Variants in RIPOR2 observed in about 807,000 individuals in gnomAD.
RIPOR2 encodes the protein RHO family interacting cell polarization regulator 2, also known as rho family-interacting cell polarization regulator 2.
In RIPOR2, 39 loss-of-function variants were observed where a neutral mutation model predicts 114.5. The ratio of observed to expected loss-of-function variants is 0.34; its 90% CI spans 0.26 to 0.44. The LOEUF is 0.44. Ranked by LOEUF, RIPOR2 falls within the 20% of genes least tolerant of loss-of-function variation. The probability of loss-of-function intolerance (pLI) is 1.00; values close to 1 mark genes in which losing one functional copy is unlikely to be tolerated. For missense variants in RIPOR2, 1,007 were observed against 1,255.1 expected, an observed-to-expected ratio of 0.80 and a Z score of 2.99; for synonymous variants, 445 against 484.4, an observed-to-expected ratio of 0.92 and a Z score of 1.07.
rs1393724622 is a variant in RIPOR2 at position 24,828,257 on chromosome 6, C to T, written c.2545G>A (p.Glu849Lys). The change falls in exon 18 of 22, where the codon GAG becomes AAG. Residue 849 changes from glutamate to lysine, a missense_variant. Transcript: ENST00000643898. Reference sequence around the variant, plus strand: ...GACAGGCTGGAGGAAAGCAGAGGCTCAGCCCGGTCCAGAATTTGGGACACC... The same window carrying T: ...GACAGGCTGGAGGAAAGCAGAGGCTTAGCCCGGTCCAGAATTTGGGACACC... ...TLVSQILDRA[E>K]PLLSSSLSSE... is the part of the protein sequence containing the mutation. 1 of 1,550,746 alleles carries T rather than the reference C, an allele frequency of 6.4e-7. No individual in the cohort carries two copies. The highest frequency in any genetic ancestry group is 8.7e-7 in the Non-Finnish European group (1 of 1,146,396).
At chr6:24,838,141 C>A (rs1581539876) in intron 14 of RIPOR2, among the ~76,000 whole-genome samples, 6 of 152,180 alleles carry the variant, frequency 3.9e-5, no homozygotes. Flanking sequence ...CAATGTTTCA[C>A]CTTCATCTGT....
chr6:24,860,291 T>C (rs980552105), intron 8 of RIPOR2, among the ~76,000 whole-genome samples: 10 of 3,196 alleles, frequency 3.1e-3, no homozygotes, highest in African/African-American at 3.4e-3. Context: ...TGGGACATTC[T>C]GTACAATGGT....
intron 1 of RIPOR2, among the ~76,000 whole-genome samples, chr6:24,907,370 T>C (rs1469889625): frequency 6.6e-6 from 1 of 152,234 alleles, no homozygotes; most frequent in Non-Finnish European, 1.5e-5. Context: ...CTTTTCTTCA[T>C]AGTGTTCCCG....
intron 1 of RIPOR2, among the ~76,000 whole-genome samples, chr6:24,956,039 T>C (rs1160490676): frequency 1.3e-5 from 2 of 151,784 alleles, no homozygotes; most frequent in Non-Finnish European, 2.9e-5. Context: ...TTACAACTTT[T>C]CTCTGGTTTT....
At chr6:24,901,433 G>A (rs1164954252) in intron 1 of RIPOR2, among the ~76,000 whole-genome samples, 1 of 152,166 alleles carries the variant, frequency 6.6e-6, no homozygotes, top group Non-Finnish European at 1.5e-5. Context: ...AATACACATT[G>A]AGGATCTGGA....
intron 1 of RIPOR2, among the ~76,000 whole-genome samples, chr6:25,041,512 C>T (rs1368048984): frequency 6.6e-6 from 1 of 152,184 alleles, no homozygotes; most frequent in Non-Finnish European, 1.5e-5. Context: ...AACAAAAATT[C>T]CAATTCACAT....
At position 24,843,567 on chromosome 6, in the gene RIPOR2, G is replaced by C; in HGVS notation, c.1165-13C>G. 1 of 1,467,014 alleles carries C rather than the reference G, an allele frequency of 6.8e-7. No homozygotes were observed. Among genetic ancestry groups the C allele is most frequent in the Non-Finnish European group, 9.1e-7 (1 of 1,098,052 alleles). 90.9% of individuals were successfully genotyped at this position (1,467,014 alleles called of 1,614,324 possible). ...CAGGTAGATTTGACTATAGATAAAA[G>C]ATACCTCATTATTATTTTCAATACA... On this transcript the variant is annotated splice_polypyrimidine_tract_variant and intron_variant, in intron 12 of 21. Transcript: ENST00000643898.
chr6:25,013,243 T>A (rs1000978124), intron 1 of RIPOR2, among the ~76,000 whole-genome samples: 4 of 152,228 alleles, frequency 2.6e-5, no homozygotes, highest in Non-Finnish European at 4.4e-5. Flanking sequence ...ATTGGATAAT[T>A]CTCAGGATGT....
chr6:25,013,411 G>A (rs564455514), intron 1 of RIPOR2, among the ~76,000 whole-genome samples: 87 of 152,222 alleles, frequency 5.7e-4, no homozygotes, highest in African/African-American at 2.0e-3. Context: ...AGGCTATAGC[G>A]GGGTGTGGAC....
At chr6:24,965,502 G>A (rs1402567463) in intron 1 of RIPOR2, among the ~76,000 whole-genome samples, 1 of 152,030 alleles carries the variant, frequency 6.6e-6, no homozygotes, top group African/African-American at 2.4e-5. Flanking sequence ...TTTGAAGTTT[G>A]CTTGTTTGTT....
chr6:24,949,914 A>T (rs1292091360), intron 1 of RIPOR2, among the ~76,000 whole-genome samples: 1 of 152,236 alleles, frequency 6.6e-6, no homozygotes, highest in Non-Finnish European at 1.5e-5. Flanking sequence ...TTAACAAAGT[A>T]CCAAATAGGA....
chr6:24,959,883 T>A (rs1652575080), intron 1 of RIPOR2, among the ~76,000 whole-genome samples: 1 of 152,162 alleles, frequency 6.6e-6, no homozygotes, highest in Admixed American at 6.5e-5. Context: ...GGGGTCAATG[T>A]TATGCCACCT....
chr6:25,027,638 G>A (rs57747209), intron 1 of RIPOR2, among the ~76,000 whole-genome samples: 2,813 of 152,332 alleles, frequency 0.018, 73 homozygotes, highest in African/African-American at 0.054. Context: ...ACAGCCTTGG[G>A]CGCCCCCAGT....
chr6:25,005,109 T>G (rs2113659883), intron 1 of RIPOR2, among the ~76,000 whole-genome samples: 1 of 152,240 alleles, frequency 6.6e-6, no homozygotes, highest in East Asian at 1.9e-4. Flanking sequence ...AAGCTACAGC[T>G]GATAGCTTTG....
chr6:24,896,024 A>G (rs1767839890), intron 1 of RIPOR2, among the ~76,000 whole-genome samples: 2 of 152,128 alleles, frequency 1.3e-5, no homozygotes, highest in Admixed American at 1.3e-4. Flanking sequence ...ATAAAAAAAT[A>G]AAAAAGAACT....
chr6:24,978,060 C>T (rs1044947852), intron 1 of RIPOR2, among the ~76,000 whole-genome samples: 3 of 152,048 alleles, frequency 2.0e-5, no homozygotes, highest in Non-Finnish European at 2.9e-5. Context: ...AGTGGGATTT[C>T]GATCTCTCAT....
chr6:24,947,069 A>G (rs542254620), intron 1 of RIPOR2, among the ~76,000 whole-genome samples: 31 of 149,048 alleles, frequency 2.1e-4, no homozygotes, highest in African/African-American at 6.5e-4. Flanking sequence ...AAGGAGGAGC[A>G]GAATATTCTT....
At position 24,832,334 on chromosome 6, in the gene RIPOR2, A is replaced by C; in HGVS notation, c.2266T>G (p.Ser756Ala). Residue 756 changes from serine (S) to alanine (A), a missense_variant, in exon 16 of 22, where the codon TCT becomes GCT. Physicochemically the swap from Ser to Ala is moderately conservative, Grantham distance 99 (BLOSUM62 1). Coordinates refer to ENST00000643898, the MANE Select transcript of RIPOR2 (RefSeq NM_001286445.3). ...TTCTCCATCACTTGGATCTGCCTAG[A>C]AAGCTTCTCTAAGAGACTTCTTGCC... is the stretch of plus-strand genomic sequence containing the variant. ...FVARSLLEKL[S>A]RQIQVMEKLA... 1 of 1,552,034 alleles carries C rather than the reference A, an allele frequency of 6.4e-7. No individual in the cohort carries two copies. Among genetic ancestry groups the C allele is most frequent in the Non-Finnish European group, 8.7e-7 (1 of 1,147,004 alleles).
At chr6:24,916,468 T>C (rs1770087009) in intron 1 of RIPOR2, among the ~76,000 whole-genome samples, 1 of 152,204 alleles carries the variant, frequency 6.6e-6, no homozygotes, top group Non-Finnish European at 1.5e-5. Flanking sequence ...TCTATATTAA[T>C]GAGTGTAGAG....
Sources: allele counts gnomAD v4.1 joint callset (sites outside exome capture counted in the v4.1 genomes callset), GRCh38; gene constraint gnomAD v4.1.1; transcripts MANE v1.5; gene names NCBI Gene and HGNC (gene_info 2026-07-23, HGNC 2026-07-21).